The following NRIP1 variants were observed in gnomAD, a reference collection of about 807,000 sequenced individuals.
NRIP1 encodes nuclear receptor interacting protein 1.
A neutral mutation model predicts 75.0 loss-of-function variants in NRIP1; 28 were observed. The ratio of observed to expected loss-of-function variants is 0.37; its 90% CI spans 0.28 to 0.51. The LOEUF is 0.51. Among genes scored for constraint, NRIP1 ranks in the 20% least tolerant of loss-of-function variants. The pLI is 0.92. For missense variants in NRIP1, 1,435 were observed against 1,343.7 expected (o/e 1.07, Z -1.06); for synonymous variants, 526 against 487.6 (o/e 1.08, Z -1.04).
rs1326479650 is a variant in NRIP1, at chr21:15,064,747, C to T, written c.-540G>A. Reference sequence around the variant, plus strand: ...CCCTGGCCGCGGCCGTCACTCACCCCAGGCCGCCGCGGCTCCCAGCCTCCG... The same window carrying T: ...CCCTGGCCGCGGCCGTCACTCACCCTAGGCCGCCGCGGCTCCCAGCCTCCG... On this transcript the variant is annotated splice_region_variant and 5_prime_UTR_variant, in exon 1 of 4. Transcript: ENST00000318948. 1 of 149,382 alleles carries T rather than the reference C, an allele frequency of 6.7e-6. No individual in the cohort carries two copies. The highest frequency in any genetic ancestry group is 2.4e-5 in the African/African-American group (1 of 41,168). 9.3% of individuals were successfully genotyped at this position (149,382 alleles called of 1,614,324 possible).
At chr21:14,994,374 C>T (rs1378187269) in intron 3 of NRIP1, among the ~76,000 whole-genome samples, 1 of 152,166 alleles carries the variant, frequency 6.6e-6, no homozygotes, top group Non-Finnish European at 1.5e-5. Flanking sequence ...ATCCGCCTAC[C>T]TCAGCCTCCC....
At chr21:15,050,938 T>G (rs1013922709) in intron 1 of NRIP1, 1 of 455,572 alleles carries the variant, frequency 2.2e-6, no homozygotes, top group Non-Finnish European at 4.4e-6. Flanking sequence ...TACCTATAAC[T>G]TATTCAAAGC....
Position 14,965,882 on chromosome 21 carries a change from G to A in NRIP1, c.2311C>T (p.His771Tyr). 6.2e-7 allele frequency: 1 copy of A among 1,614,110 alleles called. No homozygotes were observed. Among genetic ancestry groups the A allele is most frequent in the Non-Finnish European group, 8.5e-7 (1 of 1,180,002 alleles). The change falls in exon 4 of 4, where the codon CAC (histidine) becomes TAC (tyrosine). Residue 771 changes from histidine to tyrosine, a missense_variant. By Grantham distance (83) the His-to-Tyr change is moderately conservative. Coordinates refer to ENST00000318948, the MANE Select transcript of NRIP1 (RefSeq NM_003489.4). ...DDLQIPNTNV[H>Y]LSHDAKSAPF... ...GCACTCTTAGCATCATGGCTCAAGT[G>A]CACATTTGTGTTAGGAATTTGTAAG...
intron 2 of NRIP1, among the ~76,000 whole-genome samples, chr21:15,021,696 A>G (rs1466856534): frequency 6.7e-6 from 1 of 149,158 alleles, no homozygotes; most frequent in East Asian, 1.9e-4. Context: ...GTTTAAATAA[A>G]TTTACAAGAA....
rs148544212 is a variant in NRIP1 at position 15,032,890 on chromosome 21, A to C, written c.-458+10605T>G. ...ATATAAAGTAGTCTGTTTGATTTCAAATATGGTTCTTTTAAATAATGGGCC... is the reference window on the plus strand; with the variant it reads ...ATATAAAGTAGTCTGTTTGATTTCACATATGGTTCTTTTAAATAATGGGCC... On this transcript the variant is annotated intron_variant, in intron 2 of 3. Transcript: ENST00000318948. Among the ~76,000 whole-genome samples the C allele has an allele frequency of 1.2e-3, 184 of 152,314 alleles. 1 individual carries two copies. The highest frequency in any genetic ancestry group is 4.1e-3 in the African/African-American group (170 of 41,572).
chr21:14,988,588 G>A (rs1035340512), intron 3 of NRIP1, among the ~76,000 whole-genome samples: 2 of 151,422 alleles, frequency 1.3e-5, no homozygotes, highest in African/African-American at 2.4e-5. Context: ...TAATAATCTA[G>A]GTAATTAATT....
rs542664727 is a variant in NRIP1 at position 15,012,981 on chromosome 21, A to G, written c.-335+1363T>C. ...TGGCGGGGCGGTCACAGGAATATGC[A>G]TGATTATAATGTTAATTTTAATAGA... On this transcript the variant is annotated intron_variant, in intron 3 of 3. Transcript: ENST00000318948. Among the ~76,000 whole-genome samples, 13 of 152,290 alleles carry G rather than the reference A, an allele frequency of 8.5e-5. No homozygotes were observed. The South Asian group carries it at 2.7e-3, about 32-fold the overall frequency.
At chr21:15,064,616 TC>T in intron 1 of NRIP1, 128 bp downstream of exon 1, 1 of 149,976 alleles carries the variant, frequency 6.7e-6, no homozygotes, top group Non-Finnish European at 1.5e-5. Context: ...AAACGCGCCC[TC>T]CCCGCCGCCC....
intron 3 of NRIP1, among the ~76,000 whole-genome samples, chr21:14,971,097 C>G (rs1257500418): frequency 5.3e-5 from 8 of 152,152 alleles, no homozygotes; most frequent in Middle Eastern, 3.2e-3. Flanking sequence ...GGTTGAAAAT[C>G]ATTTCTTACA....
intron 3 of NRIP1, chr21:14,992,613 C>T (rs1376972265): frequency 6.6e-6 from 1 of 151,972 alleles, no homozygotes; most frequent in East Asian, 1.9e-4. Context: ...AGATGTCCTC[C>T]CGCTCACTGC....
At position 14,966,800 on chromosome 21, in the gene NRIP1, G is replaced by C; in HGVS notation, c.1393C>G (p.Gln465Glu). The stretch of plus-strand genomic sequence containing the variant: ...GGATCCCAAGTGTTTAGCAAGGATT[G>C]AGTGAAGTTATCCAGGGAAACAGGT... Reference protein sequence around the residue: ...DQPVSLDNFTQSLLNTWDPKV... With the variant: ...DQPVSLDNFTESLLNTWDPKV... The change falls in exon 4 of 4, where the codon CAA becomes GAA. Residue 465 changes from glutamine to glutamate, a missense_variant. Gln to Glu is a conservative substitution (Grantham distance 29). Coordinates refer to ENST00000318948, the MANE Select transcript of NRIP1 (RefSeq NM_003489.4). 6.2e-7 allele frequency: 1 copy of C among 1,614,096 alleles called. No homozygotes were observed.
At chr21:14,993,764 AAC>A (rs1312589992) in intron 3 of NRIP1, among the ~76,000 whole-genome samples, 1 of 152,060 alleles carries the variant, frequency 6.6e-6, no homozygotes, top group Non-Finnish European at 1.5e-5. Flanking sequence ...CAGCCTGGGC[AAC>A]AGAGAGAGAT....
intron 3 of NRIP1, among the ~76,000 whole-genome samples, chr21:14,996,881 C>T (rs1230344093): frequency 3.3e-5 from 5 of 151,582 alleles, no homozygotes; most frequent in Admixed American, 2.6e-4. Flanking sequence ...AATAAAGATG[C>T]TTACATGATA....
In NRIP1 at chr21:14,967,167, A is replaced by G. The variant is rs1358815172; in HGVS notation, c.1026T>C (p.Ser342=). Residue 342 remains serine (S), a synonymous_variant, in exon 4 of 4, where the codon AGT becomes AGC. Transcript: ENST00000318948. ...SSSKLMASKS[S]ATVFQNPMGI... is the part of the protein sequence containing the mutation. ...CCATTGGATTTTGAAACACTGTAGC[A>G]CTACTTTTGCTAGCCATCAGTTTGC... 3 of 1,613,990 alleles carry G rather than the reference A, an allele frequency of 1.9e-6. No individual in the cohort carries two copies. The highest frequency in any genetic ancestry group is 1.3e-5 in the African/African-American group (1 of 74,938).
rs1375664330 is a variant in NRIP1, at chr21:14,965,833, G to T, written c.2360C>A (p.Ala787Asp). The T allele has an allele frequency of 7.4e-6, 12 of 1,613,850 alleles. No homozygotes were observed. The highest frequency in any genetic ancestry group is 1.3e-5 in the African/African-American group (1 of 74,906). ...TAAGGCAGGTGCGCTTCTCTGCACA[G>T]CAGGAGCCATACCCAAGAATGGGGC... is the stretch of plus-strand genomic sequence containing the variant. ...KSAPFLGMAPAVQRSAPALPV... is the reference protein window; with the variant it reads ...KSAPFLGMAPDVQRSAPALPV... Residue 787 changes from alanine (A) to aspartate (D), a missense_variant, in exon 4 of 4, where the codon GCT becomes GAT. Physicochemically the swap from Ala to Asp is moderately radical, Grantham distance 126 (BLOSUM62 -2). Coordinates refer to ENST00000318948, the MANE Select transcript of NRIP1 (RefSeq NM_003489.4).
intron 1 of NRIP1, among the ~76,000 whole-genome samples, chr21:15,047,400 C>A (rs1055659795): frequency 6.6e-6 from 1 of 152,082 alleles, no homozygotes; most frequent in East Asian, 1.9e-4. Context: ...ATTAGCCAGG[C>A]GTGGTGGCGG....
chr21:14,995,402 T>G (rs1178405248), intron 3 of NRIP1, among the ~76,000 whole-genome samples: 1 of 152,232 alleles, frequency 6.6e-6, no homozygotes, highest in East Asian at 1.9e-4. Context: ...TTCTGAGAAA[T>G]GCACATGTAG....
chr21:15,021,705 A>G lies in NRIP1; in HGVS notation c.-457-7239T>C, dbSNP rs555862772. Among the ~76,000 whole-genome samples, 212 of 147,522 alleles carry G rather than the reference A, an allele frequency of 1.4e-3. 1 individual carries two copies. Among genetic ancestry groups the G allele is most frequent in the African/African-American group, 5.2e-3 (198 of 37,846 alleles). ...CAAAGAGTTTAAATAAATTTACAAG[A>G]AAAAAAACATTAAAAGGTGAACAAA... is the stretch of plus-strand genomic sequence containing the variant. On this transcript the variant is annotated intron_variant, in intron 2 of 3. Transcript: ENST00000318948.
Position 14,966,483 on chromosome 21 carries a change from T to C in NRIP1, c.1710A>G (p.Gln570=). The change falls in exon 4 of 4, where the codon CAA becomes CAG. Residue 570 remains glutamine (Q), a synonymous_variant. Transcript: ENST00000318948. ...AATTCCATTTGATGACCAGAGAGTGTTGAGAGAGATTGATGGGAGACCCTG... is the reference window on the plus strand; with the variant it reads ...AATTCCATTTGATGACCAGAGAGTGCTGAGAGAGATTGATGGGAGACCCTG... ...SKAGSPINLS[Q]HSLVIKWNSP... The C allele has an allele frequency of 6.2e-7, 1 of 1,614,022 alleles. No homozygotes were observed.
Sources: allele counts gnomAD v4.1 joint callset (sites outside exome capture counted in the v4.1 genomes callset), GRCh38; gene constraint gnomAD v4.1.1; transcripts MANE v1.5; gene names NCBI Gene and HGNC (gene_info 2026-07-23, HGNC 2026-07-21).